NLRP13: variants seen among roughly 807,000 people sequenced by gnomAD.
The protein encoded by NLRP13 is NLR family pyrin domain containing 13.
A neutral mutation model predicts 94.4 loss-of-function variants in NLRP13; 82 were observed. The ratio of observed to expected loss-of-function variants is 0.87; its 90% confidence interval spans 0.73 to 1.04. The LOEUF is 1.04. Ranked by LOEUF, NLRP13 falls within the 50% of genes least tolerant of loss-of-function variation. The pLI is 0.00. For synonymous variants in NLRP13, 553 were observed against 464.7 expected (o/e 1.19, Z -2.45); for missense variants, 1,426 against 1,230.8 (o/e 1.16, Z -2.37).
intron 5 of NLRP13, among the ~76,000 whole-genome samples, 170 bp downstream of exon 5, chr19:55,911,536 G>A (rs1048611158): frequency 6.6e-6 from 1 of 152,208 alleles, no homozygotes; most frequent in African/African-American, 2.4e-5. Context: ...AGGAAACTAG[G>A]TGATGCCTAA....
downstream of NLRP13, among the ~76,000 whole-genome samples, chr19:55,895,092 A>G (rs1042026969): frequency 6.6e-6 from 1 of 151,656 alleles, no homozygotes; most frequent in Non-Finnish European, 1.5e-5. Flanking sequence ...ATTTATATTT[A>G]TATTAAAATA....
downstream of NLRP13, chr19:55,891,976 G>A (rs1985862061): frequency 3.2e-6 from 2 of 627,294 alleles, no homozygotes; most frequent in Middle Eastern, 5.0e-4. Context: ...CCATGGTCAA[G>A]CCACGTGGCA....
At chr19:55,922,264 A>C (rs1368733128) in intron 4 of NLRP13, among the ~76,000 whole-genome samples, 1 of 152,022 alleles carries the variant, frequency 6.6e-6, no homozygotes, top group Admixed American at 6.5e-5. Flanking sequence ...GTGGAGACAC[A>C]GCCAAACCGT....
chr19:55,892,491 G>A (rs561199366), downstream of NLRP13, among the ~76,000 whole-genome samples: 10 of 152,108 alleles, frequency 6.6e-5, no homozygotes, highest in East Asian at 1.9e-3. Context: ...GCGTGATCTC[G>A]GCTCACTGCA....
In NLRP13 at chr19:55,910,528, G is replaced by A. The variant is rs113007243; in HGVS notation, c.2282+35C>T. On this transcript the variant is annotated intron_variant, in intron 6 of 10. Transcript: ENST00000342929. ...GAGAGAAGTTGGGAGATTCTCCTAGGGTATCTTCTTGAGCTGCTGGCGTCT... is the reference window on the plus strand; with the variant it reads ...GAGAGAAGTTGGGAGATTCTCCTAGAGTATCTTCTTGAGCTGCTGGCGTCT... The A allele has an allele frequency of 5.7e-4, 871 of 1,527,734 alleles. 5 individuals carry two copies. In the African/African-American group the frequency reaches 0.01, roughly 18 times the overall value. The allele number at this position is 1,527,734 out of a possible 1,614,324, so 94.6% of individuals were successfully genotyped here.
At chr19:55,924,026 A>T in intron 3 of NLRP13, 47 bp from the exon 4 acceptor site, 2 of 1,430,674 alleles carry the variant, frequency 1.4e-6, no homozygotes, top group Non-Finnish European at 2.0e-6. Flanking sequence ...CCAGACTGAA[A>T]ATGGGCCACA....
At chr19:55,910,493 C>T in intron 6 of NLRP13, 70 bp downstream of exon 6, 2 of 1,398,856 alleles carry the variant, frequency 1.4e-6, no homozygotes, top group Admixed American at 2.2e-5. Flanking sequence ...GTCAACCACA[C>T]TCATCAAAAG....
chr19:55,892,194 A>G, downstream of NLRP13: 1 of 1,125,094 alleles, frequency 8.9e-7, no homozygotes, highest in Non-Finnish European at 1.1e-6. Context: ...TTTAAGGTTC[A>G]GGGGAACACG....
At chr19:55,918,960 G>A (rs1007990742) in intron 4 of NLRP13, among the ~76,000 whole-genome samples, 2 of 151,926 alleles carry the variant, frequency 1.3e-5, no homozygotes, top group African/African-American at 2.4e-5. Flanking sequence ...GAACATAAGT[G>A]CAAAAATCTT....
intron 8 of NLRP13, among the ~76,000 whole-genome samples, chr19:55,904,657 G>A (rs1248641399): frequency 6.6e-6 from 1 of 152,074 alleles, no homozygotes; most frequent in Non-Finnish European, 1.5e-5. Context: ...CAGCCTTGAG[G>A]CCTTGTTCTA....
At chr19:55,894,708 G>T (rs1985952769), downstream of NLRP13, among the ~76,000 whole-genome samples, 1 of 152,184 alleles carries the variant, frequency 6.6e-6, no homozygotes, top group Non-Finnish European at 1.5e-5. Context: ...TCCTGGAGGA[G>T]AACTCAAGAC....
chr19:55,917,469 A>C (rs752410404), intron 4 of NLRP13, among the ~76,000 whole-genome samples: 1 of 152,108 alleles, frequency 6.6e-6, no homozygotes, highest in Non-Finnish European at 1.5e-5. Flanking sequence ...TGCGCTTCTT[A>C]AAAGATATAA....
chr19:55,930,545 G>A (rs1987086517), intron 1 of NLRP13, among the ~76,000 whole-genome samples: 1 of 151,900 alleles, frequency 6.6e-6, no homozygotes, highest in Non-Finnish European at 1.5e-5. Context: ...AATTAGCCGG[G>A]CATGGTGGCA....
At chr19:55,898,648 A>G (rs1986080596) in intron 10 of NLRP13, 122 bp downstream of exon 10, 2 of 1,101,712 alleles carry the variant, frequency 1.8e-6, no homozygotes, top group African/African-American at 1.6e-5. Context: ...CCTGGGTGAG[A>G]TTTCTTAGAT....
chr19:55,930,175 G>A (rs1987076188), intron 1 of NLRP13, among the ~76,000 whole-genome samples: 1 of 152,146 alleles, frequency 6.6e-6, no homozygotes, highest in African/African-American at 2.4e-5. Flanking sequence ...TCATTTGAGG[G>A]TAGGAGAAGC....
chr19:55,908,359 C>A (rs143524268), intron 6 of NLRP13, among the ~76,000 whole-genome samples: 4 of 152,076 alleles, frequency 2.6e-5, no homozygotes, highest in Non-Finnish European at 4.4e-5. Flanking sequence ...GAACTAAGTA[C>A]GACCAAAAGT....
chr19:55,915,513 A>T (rs1986653381), intron 4 of NLRP13, among the ~76,000 whole-genome samples: 1 of 152,062 alleles, frequency 6.6e-6, no homozygotes, highest in African/African-American at 2.4e-5. Flanking sequence ...CAGGAGAATC[A>T]CTTGAACCCG....
At position 55,905,400 on chromosome 19, in the gene NLRP13, T is replaced by C. The variant is rs149167479; in HGVS notation, c.2448-288A>G. On this transcript the variant is annotated intron_variant, in intron 7 of 10. Transcript: ENST00000342929. The stretch of plus-strand genomic sequence containing the variant: ...CCACTAAAGAAAATACATATATATA[T>C]ACATACATATATATACACGTATATA... Among the ~76,000 whole-genome samples the C allele has an allele frequency of 7.5e-3, 1,057 of 140,662 alleles. 15 individuals are homozygous for C. Among genetic ancestry groups the C allele is most frequent in the African/African-American group, 0.026 (997 of 37,980 alleles). 92.3% of individuals were successfully genotyped at this position (140,662 alleles called of 152,430 possible). A position where few individuals can be genotyped will look rare whatever the true frequency, so the allele number is the denominator to read the frequency against.
chr19:55,891,929 C>T (rs2123092136), downstream of NLRP13: 1 of 406,586 alleles, frequency 2.5e-6, no homozygotes, highest in East Asian at 3.6e-5. Context: ...TGGAGCGACA[C>T]ACAGGCCAGG....
Sources: allele counts gnomAD v4.1 joint callset (sites outside exome capture counted in the v4.1 genomes callset), GRCh38; gene constraint gnomAD v4.1.1; transcripts MANE v1.5; gene names NCBI Gene and HGNC (gene_info 2026-07-23, HGNC 2026-07-21).